The following PDE6C variants were observed in gnomAD, a reference collection of about 807,000 sequenced individuals.
PDE6C encodes the protein phosphodiesterase 6C.
In PDE6C, 75 loss-of-function variants were observed where a neutral mutation model predicts 113.1. The ratio of observed to expected loss-of-function variants is 0.66; its 90% confidence interval spans 0.55 to 0.80. The LOEUF (loss-of-function observed/expected upper bound fraction) is 0.80, where lower values mean the gene tolerates loss of function less well. Among genes scored for constraint, PDE6C ranks in the 30% least tolerant of loss-of-function variants. The probability of loss-of-function intolerance (pLI) is 0.00; values close to 1 mark genes in which losing one functional copy is unlikely to be tolerated. For missense variants in PDE6C, 912 were observed against 1,038.6 expected (o/e 0.88, Z 1.67); for synonymous variants, 375 against 363.7 (o/e 1.03, Z -0.35).
chr10:93,664,371 T>C (rs920603823), intron 21 of PDE6C, among the ~76,000 whole-genome samples: 2 of 152,130 alleles, frequency 1.3e-5, no homozygotes, highest in East Asian at 1.9e-4. Flanking sequence ...CTTGGTGCAA[T>C]TGAAAAATTT....
rs759716457 is a variant in PDE6C at position 93,636,986 on chromosome 10, A to C, written c.1414-9A>C. On this transcript the variant is annotated splice_polypyrimidine_tract_variant and intron_variant, in intron 10 of 21. Transcript: ENST00000371447. ...GGAATTTCACACCTCAATTGCTTTT[A>C]CATTTTAGAAATTTCAAGAGAAGTT... The C allele has an allele frequency of 4.3e-5, 66 of 1,518,208 alleles. No individual in the cohort carries two copies. In the Admixed American group the frequency reaches 1.1e-3, roughly 25 times the overall value. 94.0% of individuals were successfully genotyped at this position (1,518,208 alleles called of 1,614,324 possible). A position where few individuals can be genotyped will look rare whatever the true frequency, so the allele number is the denominator to read the frequency against.
intron 16 of PDE6C, 99 bp downstream of exon 16, chr10:93,655,959 C>A: frequency 1.3e-6 from 1 of 772,814 alleles, no homozygotes; most frequent in Non-Finnish European, 2.4e-6. Flanking sequence ...CATTTATTCA[C>A]ACACATACAC....
intron 11 of PDE6C, among the ~76,000 whole-genome samples, chr10:93,638,937 C>A (rs2058546560): frequency 6.6e-6 from 1 of 152,206 alleles, no homozygotes; most frequent in Non-Finnish European, 1.5e-5. Flanking sequence ...GTGTTGAAAT[C>A]TGTGTAAATA....
Position 93,620,810 on chromosome 10 carries a change from T to C in PDE6C, c.633+26T>C, listed in dbSNP as rs761453623. The C allele has an allele frequency of 3.1e-6, 5 of 1,613,966 alleles. No homozygotes were observed. In the Admixed American group the frequency reaches 8.3e-5, roughly 27 times the overall value. On this transcript the variant is annotated intron_variant, in intron 2 of 21. Coordinates refer to ENST00000371447, the MANE Select transcript of PDE6C (RefSeq NM_006204.4). ...GTAATGCTAACCCTGGGCATCTGGT[T>C]GGAGGCTCAGGAAATTTATTTGTTG...
In PDE6C at chr10:93,621,962, G is replaced by T; in HGVS notation, c.754G>T (p.Glu252Ter). 1 of 1,613,938 alleles carries T rather than the reference G, an allele frequency of 6.2e-7. No individual in the cohort carries two copies. Among genetic ancestry groups the T allele is most frequent in the South Asian group, 1.1e-5 (1 of 91,076 alleles). ...TATGTGGTCAGCCAATAAAGTATTT[G>T]AAGAACTCACAGATGTTGAGCGACA... ...ILMWSANKVF[E>*]ELTDVERQFH... is the part of the protein sequence containing the mutation. Residue 252 changes from glutamate (E) to a stop codon, truncating the protein, a stop_gained, in exon 4 of 22, where the codon GAA (glutamate) becomes TAA (stop). Coordinates refer to ENST00000371447, the MANE Select transcript of PDE6C (RefSeq NM_006204.4). LOFTEE classifies it high-confidence loss of function.
At chr10:93,663,257 A>G (rs546241869) in intron 21 of PDE6C, 79 bp downstream of exon 21, 2 of 1,393,466 alleles carry the variant, frequency 1.4e-6, no homozygotes, top group East Asian at 2.4e-5. Context: ...CAAAGCCATA[A>G]AGAGTCACCA....
In PDE6C at chr10:93,665,654, A is replaced by G. The variant is rs1297516836; in HGVS notation, c.*236A>G. 3.8e-6 allele frequency: 2 copies of G among 523,052 alleles called. No individual in the cohort carries two copies. The highest frequency in any genetic ancestry group is 3.8e-5 in the African/African-American group (2 of 52,132). 32.4% of individuals were successfully genotyped at this position (523,052 alleles called of 1,614,324 possible). A position where few individuals can be genotyped will look rare whatever the true frequency, so the allele number is the denominator to read the frequency against. On this transcript the variant is annotated 3_prime_UTR_variant, in exon 22 of 22. Coordinates refer to ENST00000371447, the MANE Select transcript of PDE6C (RefSeq NM_006204.4). ...TTTGGTGCCAATTTATTTTAAATTA[A>G]AAAATATGCAATCCTGAAACTAGTC...
At chr10:93,646,942 A>G (rs1341013188) in intron 15 of PDE6C, among the ~76,000 whole-genome samples, 1 of 152,172 alleles carries the variant, frequency 6.6e-6, no homozygotes. Flanking sequence ...GAGAAACCAC[A>G]TTTGTGTGAA....
At chr10:93,613,800 G>C (rs952710773) in intron 1 of PDE6C, among the ~76,000 whole-genome samples, 1 of 152,174 alleles carries the variant, frequency 6.6e-6, no homozygotes, top group African/African-American at 2.4e-5. Flanking sequence ...TTTAGGTGAT[G>C]GTTAAGTGCA....
chr10:93,630,470 A>T (rs1171662765), intron 8 of PDE6C, among the ~76,000 whole-genome samples: 1 of 131,690 alleles, frequency 7.6e-6, no homozygotes, highest in African/African-American at 2.9e-5. Flanking sequence ...TCTGCCACCC[A>T]CTCCCCACCT....
chr10:93,639,301 G>A (rs1049594636), intron 11 of PDE6C, among the ~76,000 whole-genome samples: 4 of 152,144 alleles, frequency 2.6e-5, no homozygotes, highest in African/African-American at 9.7e-5. Context: ...TATTCTAAGT[G>A]CTTACTTTTC....
At chr10:93,640,675 C>T in intron 13 of PDE6C, 118 bp downstream of exon 13, 1 of 804,650 alleles carries the variant, frequency 1.2e-6, no homozygotes, top group Non-Finnish European at 2.2e-6. Context: ...GGCACAAACC[C>T]CTCTCCGCTG....
intron 7 of PDE6C, among the ~76,000 whole-genome samples, chr10:93,627,494 C>T (rs2058479419): frequency 6.6e-6 from 1 of 152,064 alleles, no homozygotes; most frequent in Non-Finnish European, 1.5e-5. Flanking sequence ...GGGTTTAATT[C>T]TATCTCAAGT....
chr10:93,622,160 A>G, intron 4 of PDE6C, 88 bp downstream of exon 4: 1 of 1,262,982 alleles, frequency 7.9e-7, no homozygotes, highest in Non-Finnish European at 1.1e-6. Flanking sequence ...AAACAGATAC[A>G]CTATGTAAAT....
chr10:93,647,560 C>T (rs758169390), intron 15 of PDE6C, among the ~76,000 whole-genome samples: 1 of 152,190 alleles, frequency 6.6e-6, no homozygotes, highest in African/African-American at 2.4e-5. Flanking sequence ...TTTCTAATTC[C>T]GCTATGCTCT....
intron 4 of PDE6C, among the ~76,000 whole-genome samples, chr10:93,623,738 C>T (rs528835965): frequency 2.2e-4 from 33 of 152,298 alleles, no homozygotes; most frequent in Admixed American, 4.6e-4. Context: ...ATTGCCTTTG[C>T]GCCTTTGTCC....
chr10:93,646,181 T>C (rs946447202), intron 15 of PDE6C, 134 bp downstream of exon 15: 11 of 639,456 alleles, frequency 1.7e-5, no homozygotes, highest in African/African-American at 7.3e-5. Context: ...AGTCAATTGA[T>C]AGAAATTGCT....
intron 4 of PDE6C, among the ~76,000 whole-genome samples, chr10:93,623,387 A>G (rs1160295737): frequency 6.6e-6 from 1 of 152,204 alleles, no homozygotes; most frequent in Non-Finnish European, 1.5e-5. Flanking sequence ...TGATTTGCAA[A>G]TACTTTCTCC....
At chr10:93,630,363 G>T (rs1210357140) in intron 8 of PDE6C, among the ~76,000 whole-genome samples, 1 of 126,478 alleles carries the variant, frequency 7.9e-6, no homozygotes, top group Admixed American at 9.2e-5. Context: ...AGAAGGGCCA[G>T]CCTGTCATCT....
Sources: allele counts gnomAD v4.1 joint callset (sites outside exome capture counted in the v4.1 genomes callset), GRCh38; gene constraint gnomAD v4.1.1; transcripts MANE v1.5; gene names NCBI Gene and HGNC (gene_info 2026-07-23, HGNC 2026-07-21).